The following UVRAG variants were observed in gnomAD, a reference collection of about 807,000 sequenced individuals.
UVRAG encodes the protein UV radiation resistance associated, also known as UV radiation resistance-associated gene protein.
In UVRAG, 19 loss-of-function variants were observed where a neutral mutation model predicts 78.0. That is an observed-to-expected ratio of 0.24 (90% confidence interval 0.17 to 0.36). The LOEUF is 0.36. Among genes scored for constraint, UVRAG ranks in the 10% least tolerant of loss-of-function variants. The pLI is 1.00. For synonymous variants in UVRAG, 323 were observed against 324.6 expected, an observed-to-expected ratio of 1.00 and a Z score of 0.05; for missense variants, 740 against 853.8, an observed-to-expected ratio of 0.87 and a Z score of 1.66.
chr11:75,981,094 C>T (rs924873276), intron 7 of UVRAG, among the ~76,000 whole-genome samples: 30 of 152,162 alleles, frequency 2.0e-4, no homozygotes, highest in African/African-American at 7.0e-4. Context: ...TTTCTTTCTT[C>T]TGCCTAATTT....
chr11:75,920,984 G>T (rs1947968874), intron 6 of UVRAG, among the ~76,000 whole-genome samples: 1 of 151,916 alleles, frequency 6.6e-6, no homozygotes, highest in African/African-American at 2.4e-5. Context: ...ATTTACTCTG[G>T]CTCTGGTTTT....
chr11:75,863,169 C>G (rs1946458985), intron 3 of UVRAG, among the ~76,000 whole-genome samples: 2 of 152,214 alleles, frequency 1.3e-5, no homozygotes. Context: ...CTAGGCCAGA[C>G]AGTTCCTTGA....
At chr11:75,881,440 TTC>T (rs1318541835) in intron 4 of UVRAG, among the ~76,000 whole-genome samples, 7 of 152,234 alleles carry the variant, frequency 4.6e-5, no homozygotes, top group African/African-American at 1.7e-4. Flanking sequence ...GGTTGCATTC[TTC>T]TGAGTTTCTG....
At chr11:75,969,688 T>C (rs183469122) in intron 7 of UVRAG, among the ~76,000 whole-genome samples, 1 of 152,342 alleles carries the variant, frequency 6.6e-6, no homozygotes, top group East Asian at 1.9e-4. Flanking sequence ...TGAATGTCTT[T>C]AACAGATGAT....
chr11:76,130,955 C>G (rs75116487), intron 14 of UVRAG, among the ~76,000 whole-genome samples: 6,006 of 147,572 alleles, frequency 0.041, 137 homozygotes, highest in African/African-American at 0.08. Context: ...TTCATTTTTT[C>G]CCTGGTTTTC....
At chr11:76,036,824 G>A (rs1451024572) in intron 12 of UVRAG, among the ~76,000 whole-genome samples, 1 of 151,274 alleles carries the variant, frequency 6.6e-6, no homozygotes, top group Non-Finnish European at 1.5e-5. Context: ...ACTGTGAACA[G>A]TTTTTAAAAG....
intron 14 of UVRAG, among the ~76,000 whole-genome samples, chr11:76,131,400 T>C (rs1173269874): frequency 1.3e-5 from 2 of 152,200 alleles, no homozygotes; most frequent in Non-Finnish European, 2.9e-5. Context: ...CATGGAGGCC[T>C]GATGGCCAAG....
At chr11:75,861,851 A>G in intron 3 of UVRAG, 71 bp downstream of exon 3, 1 of 1,307,630 alleles carries the variant, frequency 7.6e-7, no homozygotes, top group Non-Finnish European at 1.1e-6. Context: ...CAGAAATGTA[A>G]AATAAGTTGA....
intron 8 of UVRAG, among the ~76,000 whole-genome samples, chr11:75,994,364 G>A (rs1048166767): frequency 2.0e-5 from 3 of 152,136 alleles, no homozygotes; most frequent in African/African-American, 7.2e-5. Context: ...TATATGTGAG[G>A]TACTGGGAAG....
intron 3 of UVRAG, among the ~76,000 whole-genome samples, chr11:75,867,771 C>T (rs1453793412): frequency 1.3e-5 from 2 of 152,268 alleles, no homozygotes; most frequent in East Asian, 3.9e-4. Context: ...GTTGTGAACA[C>T]TTGATTTTTA....
rs538655518 is a variant in UVRAG, at chr11:76,089,695, C to A, written c.1305+23907C>A. On this transcript the variant is annotated intron_variant, in intron 13 of 14. Coordinates refer to ENST00000356136, the MANE Select transcript of UVRAG (RefSeq NM_003369.4). ...ATTTCTGCTTGTTTCCCAGAGGTAA[C>A]GACTTTCAACAATCTTAGCAGATTA... Among the ~76,000 whole-genome samples the A allele has an allele frequency of 6.6e-5, 10 of 152,232 alleles. No individual in the cohort carries two copies. In the South Asian group the frequency reaches 1.9e-3, roughly 28 times the overall value.
chr11:75,983,432 A>G lies in UVRAG; in HGVS notation c.745A>G (p.Asn249Asp), dbSNP rs61761610. The change falls in exon 8 of 15, where the codon AAT becomes GAT. Residue 249 changes from asparagine (N) to aspartate (D), a missense_variant. Physicochemically the swap from Asn to Asp is conservative, Grantham distance 23. Transcript: ENST00000356136. The part of the protein sequence containing the change: ...CLQLKILVLQ[N>D]ELERQKKALG... ...GCAGTTAAAAATTTTGGTGCTTCAG[A>G]ATGAACTGGAACGGCAGAAGAAAGC... 2.6e-3 allele frequency: 4,146 copies of G among 1,609,056 alleles called. 7 individuals carry two copies. Among genetic ancestry groups the G allele is most frequent in the Non-Finnish European group, 3.1e-3 (3,690 of 1,177,548 alleles).
At chr11:75,966,220 A>G (rs544220814) in intron 7 of UVRAG, among the ~76,000 whole-genome samples, 5 of 152,148 alleles carry the variant, frequency 3.3e-5, no homozygotes, top group Non-Finnish European at 7.4e-5. Flanking sequence ...ATTATAATAT[A>G]TAATTATTTT....
intron 1 of UVRAG, among the ~76,000 whole-genome samples, chr11:75,842,131 G>A (rs2135842942): frequency 6.6e-6 from 1 of 152,272 alleles, no homozygotes; most frequent in South Asian, 2.1e-4. Context: ...AAAAGGACCA[G>A]GTGGAAGCCA....
chr11:76,143,701 G>A lies in UVRAG; in HGVS notation c.*2288G>A, dbSNP rs564970064. ...CTGGGTAGAACCTATGGGATTACCC[G>A]TCTCCTGGAATAACTGTTTGACGTT... On this transcript the variant is annotated 3_prime_UTR_variant, in exon 15 of 15. Coordinates refer to ENST00000356136, the MANE Select transcript of UVRAG (RefSeq NM_003369.4). 5.3e-5 allele frequency among the ~76,000 whole-genome samples: 8 copies of A among 152,344 alleles called. No homozygotes were observed. Among genetic ancestry groups the A allele is most frequent in the South Asian group, 4.1e-4 (2 of 4,830 alleles).
At chr11:75,955,446 TATC>T (rs1948775428) in intron 6 of UVRAG, among the ~76,000 whole-genome samples, 1 of 152,210 alleles carries the variant, frequency 6.6e-6, no homozygotes, top group African/African-American at 2.4e-5. Flanking sequence ...GAGGTAGTGA[TATC>T]ATCAAATGCC....
At chr11:76,023,313 C>T (rs912039680) in intron 12 of UVRAG, among the ~76,000 whole-genome samples, 2 of 152,052 alleles carry the variant, frequency 1.3e-5, no homozygotes, top group African/African-American at 4.8e-5. Flanking sequence ...CATCTTGTTT[C>T]GGGCATGAAT....
chr11:76,014,057 T>G (rs1271279324), intron 11 of UVRAG, among the ~76,000 whole-genome samples: 1 of 152,256 alleles, frequency 6.6e-6, no homozygotes, highest in East Asian at 1.9e-4. Context: ...GCTATTTCTT[T>G]TTGTTTTATT....
At chr11:75,964,036 G>A (rs557630355) in intron 7 of UVRAG, among the ~76,000 whole-genome samples, 1 of 152,252 alleles carries the variant, frequency 6.6e-6, no homozygotes, top group Non-Finnish European at 1.5e-5. Context: ...CTGGTATTAA[G>A]GTGAAATACA....
Sources: allele counts gnomAD v4.1 joint callset (sites outside exome capture counted in the v4.1 genomes callset), GRCh38; gene constraint gnomAD v4.1.1; transcripts MANE v1.5; gene names NCBI Gene and HGNC (gene_info 2026-07-23, HGNC 2026-07-21).